ABCD3: variants seen among roughly 807,000 people sequenced by gnomAD.
ABCD3 encodes ATP binding cassette subfamily D member 3.
In ABCD3, 41 loss-of-function variants were observed where a neutral mutation model predicts 105.5. The ratio of observed to expected loss-of-function variants is 0.39; its 90% CI spans 0.30 to 0.50. ABCD3 has a LOEUF of 0.50. ABCD3 is among the 20% of genes least tolerant of loss of function. The pLI is 0.84. For synonymous variants in ABCD3, 258 were observed against 269.0 expected, an observed-to-expected ratio of 0.96 and a Z score of 0.40; for missense variants, 622 against 806.3, an observed-to-expected ratio of 0.77 and a Z score of 2.77.
At chr1:94,385,147 T>G in the ABCD3 span, among the ~76,000 whole-genome samples, 2 of 152,084 alleles carry the variant, frequency 1.3e-5, no homozygotes, top group Non-Finnish European at 2.9e-5. Context: ...TAAATCTTGC[T>G]CTCTCTGAAA....
chr1:94,481,650 C>T (rs1649032761), intron 9 of ABCD3: 1 of 152,212 alleles, frequency 6.6e-6, no homozygotes, highest in Non-Finnish European at 1.5e-5. Flanking sequence ...CTTCTTGTGA[C>T]CACAAGATGG....
chr1:94,444,052 G>A (rs549922580), intron 1 of ABCD3, among the ~76,000 whole-genome samples: 48 of 150,522 alleles, frequency 3.2e-4, no homozygotes, highest in African/African-American at 1.1e-3. Context: ...TATATTTTTC[G>A]GCTGGGCACA....
At position 94,467,821 on chromosome 1, in the gene ABCD3, A is replaced by G. The variant is rs1000039359; in HGVS notation, c.247-98A>G. On this transcript the variant is annotated intron_variant, in intron 3 of 22. Coordinates refer to ENST00000370214, the MANE Select transcript of ABCD3 (RefSeq NM_002858.4). ...GCCAACTATATTGAAACTTACATAA[A>G]GCTTTAGATTTGGAAACCAAAAATT... The G allele has an allele frequency of 6.4e-6, 5 of 776,648 alleles. No homozygotes were observed. In the African/African-American group the frequency reaches 8.6e-5, roughly 13 times the overall value. 48.1% of individuals were successfully genotyped at this position (776,648 alleles called of 1,614,324 possible). A position where few individuals can be genotyped will look rare whatever the true frequency, so the allele number is the denominator to read the frequency against.
At chr1:94,394,409 A>C in the ABCD3 span, among the ~76,000 whole-genome samples, 4 of 152,182 alleles carry the variant, frequency 2.6e-5, no homozygotes, top group Non-Finnish European at 5.9e-5. Context: ...TGCTGATAGA[A>C]ATGGAGAAAA....
At chr1:94,406,342 T>G in the ABCD3 span, 3 of 173,366 alleles carry the variant, frequency 1.7e-5, no homozygotes, top group East Asian at 3.2e-4. Context: ...TTTGTTTTGT[T>G]TTTTTTTTTT....
intron 20 of ABCD3, among the ~76,000 whole-genome samples, chr1:94,502,426 C>G (rs1217465092): frequency 3.3e-5 from 5 of 151,530 alleles, no homozygotes; most frequent in Admixed American, 6.6e-5. Flanking sequence ...GTATGTCAGG[C>G]ACCTTACACA....
At chr1:94,480,173 G>A (rs1297399257) in intron 8 of ABCD3, 2 of 437,746 alleles carry the variant, frequency 4.6e-6, no homozygotes, top group Non-Finnish European at 8.3e-6. Flanking sequence ...CAACAGGAGA[G>A]TGTTAGATAA....
chr1:94,453,891 C>CT (rs199708758), intron 1 of ABCD3, among the ~76,000 whole-genome samples: 5 of 141,174 alleles, frequency 3.5e-5, no homozygotes, highest in East Asian at 2.1e-4. Flanking sequence ...ATTTCTTCTG[C>CT]TTTTTTTTGT....
At chr1:94,424,824 G>A (rs943609256) in intron 1 of ABCD3, among the ~76,000 whole-genome samples, 3 of 152,100 alleles carry the variant, frequency 2.0e-5, no homozygotes, top group Non-Finnish European at 4.4e-5. Flanking sequence ...CTTGTCTGTT[G>A]TATATGTTTG....
intron 4 of ABCD3, among the ~76,000 whole-genome samples, chr1:94,470,534 C>A (rs373795052): frequency 2.6e-5 from 4 of 151,896 alleles, no homozygotes; most frequent in South Asian, 2.1e-4. Context: ...TGTTGTATTA[C>A]TGGATGTTTG....
At chr1:94,471,964 CTA>C (rs1648477954) in intron 4 of ABCD3, among the ~76,000 whole-genome samples, 1 of 152,074 alleles carries the variant, frequency 6.6e-6, no homozygotes. Context: ...AAGGTAGAAA[CTA>C]TACTAATTCC....
intron 2 of ABCD3, among the ~76,000 whole-genome samples, chr1:94,459,526 T>A (rs1647765547): frequency 6.6e-6 from 1 of 152,246 alleles, no homozygotes. Context: ...AACTATTTTT[T>A]ACATTAAGTG....
At chr1:94,393,578 G>A in the ABCD3 span, among the ~76,000 whole-genome samples, 1 of 152,126 alleles carries the variant, frequency 6.6e-6, no homozygotes, top group East Asian at 1.9e-4. Context: ...GGAGGAGGTT[G>A]CAGTGAGCTG....
intron 8 of ABCD3, 63 bp downstream of exon 8, chr1:94,478,378 G>A (rs1224525897): frequency 1.5e-6 from 2 of 1,324,484 alleles, no homozygotes; most frequent in Admixed American, 3.5e-5. Flanking sequence ...TACATATTGT[G>A]AATAGCTTGA....
intron 10 of ABCD3, among the ~76,000 whole-genome samples, chr1:94,487,091 T>G (rs1219753444): frequency 1.3e-5 from 2 of 152,136 alleles, no homozygotes; most frequent in Non-Finnish European, 2.9e-5. Flanking sequence ...TGTAATACAA[T>G]TCTTAGATAA....
At chr1:94,448,628 C>T (rs998620319) in intron 1 of ABCD3, among the ~76,000 whole-genome samples, 2 of 152,224 alleles carry the variant, frequency 1.3e-5, no homozygotes, top group East Asian at 3.8e-4. Context: ...GTTCATTCCA[C>T]ACAAATAATT....
chr1:94,486,534 C>G (rs1441148227), intron 10 of ABCD3, among the ~76,000 whole-genome samples: 1 of 152,252 alleles, frequency 6.6e-6, no homozygotes. Flanking sequence ...AACAAGCTAC[C>G]CTGTACTCAG....
chr1:94,514,895 G>A, intron 21 of ABCD3: 1 of 464,702 alleles, frequency 2.2e-6, no homozygotes, highest in Non-Finnish European at 3.9e-6. Context: ...AGACATGATA[G>A]GAGATATGTT....
intron 16 of ABCD3, among the ~76,000 whole-genome samples, chr1:94,495,706 T>C (rs1271505857): frequency 6.6e-6 from 1 of 152,172 alleles, no homozygotes; most frequent in Non-Finnish European, 1.5e-5. Context: ...GAGGCAGGAA[T>C]ATTGATGCCA....
Sources: gnomAD v4.1 joint callset for allele counts (sites outside exome capture counted in the v4.1 genomes callset) on GRCh38, gnomAD v4.1.1 for gene constraint, MANE v1.5 for transcripts, NCBI Gene and HGNC (gene_info 2026-07-23, HGNC 2026-07-21) for gene names.